EPG5: variants seen among roughly 807,000 people sequenced by gnomAD.
EPG5 encodes the protein ectopic P granules protein 5 homolog.
Under a neutral mutation model 302.7 loss-of-function variants are expected in EPG5, and 159 were observed. The observed-to-expected ratio is 0.53, with a 90% confidence interval of 0.46 to 0.60. The LOEUF is 0.60. Among genes scored for constraint, EPG5 ranks in the 20% least tolerant of loss-of-function variants. EPG5 has a pLI of 0.00. For synonymous variants in EPG5, 1,158 were observed against 1,136.8 expected, an observed-to-expected ratio of 1.02 and a Z score of -0.37; for missense variants, 2,896 against 3,092.4, an observed-to-expected ratio of 0.94 and a Z score of 1.51.
chr18:45,916,404 CG>C (rs771008479), intron 18 of EPG5, 33 bp downstream of exon 18: 1 of 1,594,348 alleles, frequency 6.3e-7, no homozygotes, highest in Non-Finnish European at 8.6e-7. Flanking sequence ...GGAAGACAGG[CG>C]GGAGTGTGCT....
intron 11 of EPG5, among the ~76,000 whole-genome samples, chr18:45,933,380 A>G (rs1205279374): frequency 6.6e-6 from 1 of 152,254 alleles, no homozygotes; most frequent in Non-Finnish European, 1.5e-5. Flanking sequence ...AAAGACATCA[A>G]GAGAGACAGA....
intron 40 of EPG5, 88 bp downstream of exon 40, chr18:45,860,016 A>C: frequency 6.7e-7 from 1 of 1,495,024 alleles, no homozygotes; most frequent in Non-Finnish European, 9.1e-7. Context: ...CTCACTGGGA[A>C]GAGTCTGGAA....
downstream of EPG5, among the ~76,000 whole-genome samples, chr18:45,844,643 G>T (rs1030747880): frequency 1.3e-5 from 2 of 152,176 alleles, no homozygotes; most frequent in Non-Finnish European, 2.9e-5. Flanking sequence ...TATTATGCAG[G>T]CCAGTGGGTT....
In EPG5 at chr18:45,954,862, T is replaced by G. The variant is rs2050989871; in HGVS notation, c.540A>C (p.Glu180Asp). ...AAGAACAAACCAGGCCTTGTTTGTC[T>G]TCTTTACTATTCTGAGTTTCTCTGA... is the stretch of plus-strand genomic sequence containing the variant. ...IQVRETQNSK[E>D]DKQGLVCSSE... is the part of the protein sequence containing the mutation. Residue 180 changes from glutamate (E) to aspartate (D), a missense_variant, in exon 2 of 44, where the codon GAA (glutamate) becomes GAC (aspartate). Transcript: ENST00000282041. 2 of 1,614,180 alleles carry G rather than the reference T, an allele frequency of 1.2e-6. No homozygotes were observed. The highest frequency in any genetic ancestry group is 2.7e-5 in the African/African-American group (2 of 75,058).
intron 1 of EPG5, among the ~76,000 whole-genome samples, chr18:45,960,534 G>A (rs2051126958): frequency 6.6e-6 from 1 of 151,624 alleles, no homozygotes; most frequent in African/African-American, 2.4e-5. Context: ...ATTAAAAAAC[G>A]ATTTTAAAGT....
chr18:45,933,416 C>T (rs1384655820), intron 11 of EPG5, among the ~76,000 whole-genome samples: 3 of 152,186 alleles, frequency 2.0e-5, no homozygotes, highest in South Asian at 2.1e-4. Flanking sequence ...CGGTGGCTCA[C>T]GCCTATTATC....
chr18:45,955,457 T>C, intron 1 of EPG5, 119 bp from the exon 2 acceptor site: 1 of 696,506 alleles, frequency 1.4e-6, no homozygotes, highest in Admixed American at 3.2e-5. Flanking sequence ...GAAACCTAAA[T>C]TCACTTTATC....
In EPG5 at chr18:45,954,851, C is replaced by A. The variant is rs1482099768; in HGVS notation, c.551G>T (p.Gly184Val). The A allele has an allele frequency of 6.2e-7, 1 of 1,614,054 alleles. No homozygotes were observed. The stretch of plus-strand genomic sequence containing the variant: ...TGGCACCTCTGAAGAACAAACCAGG[C>A]CTTGTTTGTCTTCTTTACTATTCTG... Reference protein sequence around the residue: ...ETQNSKEDKQGLVCSSEVPQN... With the variant: ...ETQNSKEDKQVLVCSSEVPQN... The change falls in exon 2 of 44, where the codon GGC becomes GTC. Residue 184 changes from glycine (G) to valine (V), a missense_variant. This residue lies in a region of EPG5 where 1,390 missense variants were observed against 1,430.0 expected (regional missense o/e 0.97). Transcript: ENST00000282041.
rs772777352 is a variant in EPG5, at chr18:45,916,095, G to C, written c.3496C>G (p.Leu1166Val). Residue 1166 changes from leucine (L) to valine (V), a missense_variant, in exon 19 of 44, where the codon CTC (leucine) becomes GTC (valine). Leu to Val is a conservative substitution (Grantham distance 32). Around this residue, in one of 5 missense-constraint regions of EPG5, gnomAD observed 1,390 missense variants for 1,430.0 expected, o/e 0.97. Transcript: ENST00000282041. ...QHLWYREQPILFLMDHLCKAA... is the reference protein window; with the variant it reads ...QHLWYREQPIVFLMDHLCKAA... ...TTACACAAGTGGTCCATGAGGAAGA[G>C]GATAGGTTGTTCTCGGTACCAGAGA... The C allele has an allele frequency of 9.3e-6, 15 of 1,614,042 alleles. No homozygotes were observed. The Admixed American group carries it at 2.5e-4, about 27-fold the overall frequency.
At chr18:45,911,234 C>T (rs987565099) in intron 22 of EPG5, among the ~76,000 whole-genome samples, 2 of 151,528 alleles carry the variant, frequency 1.3e-5, no homozygotes, top group Non-Finnish European at 2.9e-5. Context: ...CCTGACTCTC[C>T]TGCCTCAGCC....
chr18:45,825,655 C>A, the EPG5 span: 1 of 1,555,128 alleles, frequency 6.4e-7, no homozygotes, highest in Non-Finnish European at 8.8e-7. Context: ...CCTTCCCCCA[C>A]CACGCCTGGG....
intron 13 of EPG5, among the ~76,000 whole-genome samples, chr18:45,927,593 T>TAC (rs67488772): frequency 0.13 from 17,706 of 133,064 alleles, 1,116 homozygotes; most frequent in East Asian, 0.16. Flanking sequence ...CAAAAAGTTA[T>TAC]ACACACACAC....
the EPG5 span, among the ~76,000 whole-genome samples, chr18:45,831,198 T>G: frequency 2.6e-5 from 4 of 152,222 alleles, no homozygotes; most frequent in Admixed American, 2.6e-4. Context: ...GCCGTCTCTG[T>G]GTCCACCTGC....
chr18:45,876,178 G>A, intron 35 of EPG5, 58 bp downstream of exon 35: 1 of 1,183,934 alleles, frequency 8.4e-7, no homozygotes, highest in Non-Finnish European at 1.3e-6. Context: ...AGAAGAAAAA[G>A]ACTGACTGAC....
the EPG5 span, among the ~76,000 whole-genome samples, chr18:45,809,211 T>G: frequency 6.6e-6 from 1 of 151,908 alleles, no homozygotes; most frequent in Non-Finnish European, 1.5e-5. Context: ...ACACTGGAGC[T>G]CCCAAATTTA....
intron 20 of EPG5, among the ~76,000 whole-genome samples, chr18:45,915,217 G>A (rs1411164927): frequency 1.3e-5 from 2 of 151,988 alleles, no homozygotes; most frequent in Non-Finnish European, 2.9e-5. Flanking sequence ...GGCAGAGGTT[G>A]CAGTGAGCTG....
In EPG5 at chr18:45,894,034, G is replaced by A. The variant is rs145908473; in HGVS notation, c.4810-4094C>T. 6.7e-4 allele frequency among the ~76,000 whole-genome samples: 102 copies of A among 152,188 alleles called. 2 individuals carry two copies. The East Asian group carries it at 0.013, about 20-fold the overall frequency. On this transcript the variant is annotated intron_variant, in intron 27 of 43. Transcript: ENST00000282041. ...ATGATACAAACATGAATAAGACAAA[G>A]TCCCTGACCTTGTGTAACTCAAAAT...
At chr18:45,928,013 G>A (rs1046436746) in intron 13 of EPG5, among the ~76,000 whole-genome samples, 4 of 152,082 alleles carry the variant, frequency 2.6e-5, no homozygotes, top group Admixed American at 2.6e-4. Flanking sequence ...GACCAACACA[G>A]TGAAACCTCG....
In EPG5 at chr18:45,900,978, G is replaced by A. The variant is rs778143898; in HGVS notation, c.4646+18C>T. The A allele has an allele frequency of 1.4e-5, 22 of 1,595,854 alleles. No homozygotes were observed. Among genetic ancestry groups the A allele is most frequent in the East Asian group, 9.0e-5 (4 of 44,460 alleles). ...CCACCAACATGGGAACATGATCCGT[G>A]AGGCTGCATGGTCTTACCTGGCCTG... On this transcript the variant is annotated intron_variant, in intron 26 of 43. Transcript: ENST00000282041.
Sources: gnomAD v4.1 joint callset for allele counts (sites outside exome capture counted in the v4.1 genomes callset) on GRCh38, gnomAD v4.1.1 for gene constraint, gnomAD v4.1.1 regional missense constraint, MANE v1.5 for transcripts, NCBI Gene and HGNC (gene_info 2026-07-23, HGNC 2026-07-21) for gene names.